Variants in ADAMTS3 observed in about 807,000 individuals in gnomAD.
ADAMTS3 encodes the protein A disintegrin and metalloproteinase with thrombospondin motifs 3.
A neutral mutation model predicts 129.0 loss-of-function variants in ADAMTS3; 73 were observed. The observed-to-expected ratio is 0.57, with a 90% CI of 0.47 to 0.69. The LOEUF is 0.69. ADAMTS3 is among the 30% of genes least tolerant of loss of function. The probability of loss-of-function intolerance (pLI) is 0.00; values close to 1 mark genes in which losing one functional copy is unlikely to be tolerated. For synonymous variants in ADAMTS3, 477 were observed against 510.8 expected (o/e 0.93, Z 0.89); for missense variants, 1,457 against 1,514.5 (o/e 0.96, Z 0.63).
intron 18 of ADAMTS3, among the ~76,000 whole-genome samples, chr4:72,297,319 G>A (rs188513122): frequency 4.6e-5 from 7 of 152,254 alleles, no homozygotes; most frequent in Admixed American, 4.6e-4. Context: ...TACAGCAGAA[G>A]GGAGGGTCCA....
chr4:72,361,518 C>G (rs1408338419), intron 4 of ADAMTS3, among the ~76,000 whole-genome samples: 1 of 151,954 alleles, frequency 6.6e-6, no homozygotes, highest in Non-Finnish European at 1.5e-5. Context: ...TTTCTATAGG[C>G]CTTAAGAAGA....
chr4:72,519,168 C>G (rs984554020), intron 3 of ADAMTS3, among the ~76,000 whole-genome samples: 6 of 152,094 alleles, frequency 3.9e-5, no homozygotes, highest in Non-Finnish European at 8.8e-5. Flanking sequence ...TATTGGCCCC[C>G]ACTCTCTTCT....
In ADAMTS3 at chr4:72,303,950, G is replaced by T; in HGVS notation, c.2391C>A (p.Thr797=). ...NIEDDIESLH[T]DGPLHDPVIV... ...TAACAGGATCATGTAAAGGTCCATC[G>T]GTGTGAAGACTTTCAATGTCATCTT... Residue 797 remains threonine (T), a synonymous_variant, in exon 17 of 22, where the codon ACC becomes ACA. Coordinates refer to ENST00000286657, the MANE Select transcript of ADAMTS3 (RefSeq NM_014243.3). 1.2e-6 allele frequency: 2 copies of T among 1,613,486 alleles called. No homozygotes were observed. Among genetic ancestry groups the T allele is most frequent in the Non-Finnish European group, 1.7e-6 (2 of 1,179,624 alleles).
chr4:72,320,923 G>T, intron 6 of ADAMTS3, 53 bp from the exon 7 acceptor site: 3 of 1,545,004 alleles, frequency 1.9e-6, no homozygotes, highest in Non-Finnish European at 2.6e-6. Context: ...CAAAGGCTTC[G>T]TTTGATAATT....
rs72853080 is a variant in ADAMTS3 at position 72,522,650 on chromosome 4, A to C, written c.504+25828T>G. On this transcript the variant is annotated intron_variant, in intron 3 of 21. Coordinates refer to ENST00000286657, the MANE Select transcript of ADAMTS3 (RefSeq NM_014243.3). ...CACAGCGTGACTATGCTTACCATCA[A>C]GTGGAATATTTCAGTCTCCCACACA... 5.4e-3 allele frequency among the ~76,000 whole-genome samples: 824 copies of C among 152,284 alleles called. 13 individuals are homozygous for C. The highest frequency in any genetic ancestry group is 0.019 in the African/African-American group (785 of 41,556).
chr4:72,325,598 A>G (rs1458220999), intron 5 of ADAMTS3, among the ~76,000 whole-genome samples: 1 of 152,200 alleles, frequency 6.6e-6, no homozygotes, highest in African/African-American at 2.4e-5. Flanking sequence ...TGTTAAAATA[A>G]GGTTGAAAGC....
At chr4:72,399,246 A>G (rs1299932294) in intron 4 of ADAMTS3, among the ~76,000 whole-genome samples, 1 of 152,162 alleles carries the variant, frequency 6.6e-6, no homozygotes, top group Non-Finnish European at 1.5e-5. Flanking sequence ...CCTGGGCAAC[A>G]TAGTGAGACC....
rs114446996 is a variant in ADAMTS3 at position 72,366,231 on chromosome 4, G to T, written c.662-26538C>A. Among the ~76,000 whole-genome samples the T allele has an allele frequency of 4.7e-3, 720 of 152,296 alleles. 5 individuals carry two copies. The highest frequency in any genetic ancestry group is 8.2e-3 in the Non-Finnish European group (558 of 68,020). The stretch of plus-strand genomic sequence containing the variant: ...TTCTTCCATTTAACCAGTATGTGCT[G>T]AGTACTTGCTTTGTATAAAATAATA... On this transcript the variant is annotated intron_variant, in intron 4 of 21. Coordinates refer to ENST00000286657, the MANE Select transcript of ADAMTS3 (RefSeq NM_014243.3).
intron 3 of ADAMTS3, among the ~76,000 whole-genome samples, chr4:72,488,698 G>C (rs1020222930): frequency 2.0e-5 from 3 of 151,852 alleles, no homozygotes; most frequent in Non-Finnish European, 4.4e-5. Context: ...AAAATTTAAT[G>C]ATTTGATAGA....
chr4:72,567,142 T>C (rs186275736), intron 2 of ADAMTS3, among the ~76,000 whole-genome samples: 10 of 152,342 alleles, frequency 6.6e-5, no homozygotes, highest in Admixed American at 3.3e-4. Flanking sequence ...AGTAATAAAC[T>C]GATGCTTGAA....
At chr4:72,491,685 G>A (rs1374768271) in intron 3 of ADAMTS3, among the ~76,000 whole-genome samples, 2 of 151,642 alleles carry the variant, frequency 1.3e-5, no homozygotes, top group African/African-American at 4.8e-5. Context: ...ATTTCCTTGA[G>A]GATTTTTGCA....
At chr4:72,543,272 A>C (rs1721382607) in intron 3 of ADAMTS3, among the ~76,000 whole-genome samples, 1 of 152,164 alleles carries the variant, frequency 6.6e-6, no homozygotes, top group Non-Finnish European at 1.5e-5. Context: ...GTAAAGATGA[A>C]CTAATACAGC....
rs372664222 is a variant in ADAMTS3 at position 72,309,438 on chromosome 4, C to A, written c.2138G>T (p.Arg713Leu). The A allele has an allele frequency of 5.1e-5, 82 of 1,611,994 alleles. No individual in the cohort carries two copies. Among genetic ancestry groups the A allele is most frequent in the Non-Finnish European group, 6.4e-5 (75 of 1,178,628 alleles). ...TCTGGTAAATGTCCCCTTCACGGTT[C>A]GGCAGTGGGAATTATCTCCTCCACA... ...GVCGGDNSHC[R>L]TVKGTFTRTP... Residue 713 changes from arginine (R) to leucine (L), a missense_variant, in exon 15 of 22, where the codon CGA becomes CTA. Physicochemically the swap from Arg to Leu is moderately radical, Grantham distance 102. Coordinates refer to ENST00000286657, the MANE Select transcript of ADAMTS3 (RefSeq NM_014243.3).
In ADAMTS3 at chr4:72,298,434, A is replaced by G; in HGVS notation, c.2433T>C (p.Pro811=). Reference sequence around the variant, plus strand: ...GGCTAGAGCGGGTATCATTTTCTTGAGGTATAATCTAACATACACATGAAA... The same window carrying G: ...GGCTAGAGCGGGTATCATTTTCTTGGGGTATAATCTAACATACACATGAAA... ...LHDPVIVLII[P]QENDTRSSLT... The change falls in exon 18 of 22, where the codon CCT becomes CCC. Residue 811 remains proline, a synonymous_variant. Transcript: ENST00000286657. The G allele has an allele frequency of 6.2e-7, 1 of 1,601,870 alleles. No homozygotes were observed. Among genetic ancestry groups the G allele is most frequent in the Non-Finnish European group, 8.5e-7 (1 of 1,172,186 alleles).
intron 3 of ADAMTS3, among the ~76,000 whole-genome samples, chr4:72,418,701 G>C (rs1437349449): frequency 6.6e-6 from 1 of 152,210 alleles, no homozygotes; most frequent in Non-Finnish European, 1.5e-5. Context: ...CTGGCTGTAA[G>C]CCCAGGCAGA....
At chr4:72,480,552 G>GGGGACTGTTGTGGGGTCT (rs1719404180) in intron 3 of ADAMTS3, among the ~76,000 whole-genome samples, 2 of 149,196 alleles carry the variant, frequency 1.3e-5, no homozygotes. Context: ...TTGTGGGGTC[G>GGGGACTGTTGTGGGGTCT]GGGGACGGGG....
At chr4:72,352,010 A>T (rs1459113278) in intron 4 of ADAMTS3, among the ~76,000 whole-genome samples, 1 of 151,946 alleles carries the variant, frequency 6.6e-6, no homozygotes, top group Non-Finnish European at 1.5e-5. Flanking sequence ...ACTCAAAAAA[A>T]AATCATCTTG....
intron 4 of ADAMTS3, among the ~76,000 whole-genome samples, chr4:72,402,964 A>G (rs1721962168): frequency 6.6e-6 from 1 of 152,120 alleles, no homozygotes; most frequent in Non-Finnish European, 1.5e-5. Flanking sequence ...CTATACCTGG[A>G]AATACCAGGG....
intron 3 of ADAMTS3, among the ~76,000 whole-genome samples, chr4:72,440,913 A>G (rs1718096540): frequency 6.6e-6 from 1 of 151,758 alleles, no homozygotes; most frequent in African/African-American, 2.4e-5. Context: ...TTTTTTATCT[A>G]ATTAAAATTA....
Sources: allele counts gnomAD v4.1 joint callset (sites outside exome capture counted in the v4.1 genomes callset), GRCh38; gene constraint gnomAD v4.1.1; transcripts MANE v1.5; gene names NCBI Gene and HGNC (gene_info 2026-07-23, HGNC 2026-07-21).